Variants in PTK2 observed in about 807,000 individuals in gnomAD.
The protein encoded by PTK2 is protein tyrosine kinase 2, also known as focal adhesion kinase 1.
PTK2 carries 45 observed loss-of-function variants against 150.1 expected under a neutral mutation model. The observed-to-expected ratio is 0.30, with a 90% CI of 0.24 to 0.38. The LOEUF is 0.38. Ranked by LOEUF, PTK2 falls within the 10% of genes least tolerant of loss-of-function variation. The pLI, the probability that PTK2 is intolerant of heterozygous loss-of-function variation, is 1.00. For missense variants in PTK2, 919 were observed against 1,307.3 expected, an observed-to-expected ratio of 0.70 and a Z score of 4.58; for synonymous variants, 432 against 449.2, an observed-to-expected ratio of 0.96 and a Z score of 0.48.
At chr8:140,704,863 T>C (rs2100032779) in intron 24 of PTK2, among the ~76,000 whole-genome samples, 1 of 152,148 alleles carries the variant, frequency 6.6e-6, no homozygotes, top group Non-Finnish European at 1.5e-5. Context: ...AGTACTTTAT[T>C]TGTCTTCATA....
At chr8:141,001,421 C>G (rs776416183), upstream of PTK2, 2 of 149,930 alleles carry the variant, frequency 1.3e-5, no homozygotes, top group Non-Finnish European at 3.0e-5. Flanking sequence ...CGCCCCCGCG[C>G]ATGCCCAGCG....
rs1246263777 is a variant in PTK2 at position 140,726,595 on chromosome 8, G to T, written c.2030+8656C>A. ...CATAACAGGGCAGAAGACAGTAAAA[G>T]AACATCTTTAAGGTGCTGGGGAAAA... On this transcript the variant is annotated intron_variant, in intron 22 of 31. Coordinates refer to ENST00000522684, the Ensembl canonical transcript of PTK2. Among the ~76,000 whole-genome samples the T allele has an allele frequency of 5.9e-5, 9 of 151,832 alleles. No individual in the cohort carries two copies. In the East Asian group the frequency reaches 1.2e-3, roughly 20 times the overall value.
intron 10 of PTK2, among the ~76,000 whole-genome samples, chr8:140,813,955 G>A (rs1274485516): frequency 6.6e-6 from 1 of 151,970 alleles, no homozygotes; most frequent in East Asian, 1.9e-4. Flanking sequence ...AACACAACTA[G>A]AAATGAAAAG....
At chr8:140,703,274 G>T (rs1158910754) in intron 24 of PTK2, among the ~76,000 whole-genome samples, 3 of 151,494 alleles carry the variant, frequency 2.0e-5, no homozygotes, top group Non-Finnish European at 2.9e-5. Context: ...AAAAAAAAAA[G>T]AAAATAAAAA....
chr8:140,861,769 T>C (rs1298774856), intron 5 of PTK2, among the ~76,000 whole-genome samples: 1 of 152,188 alleles, frequency 6.6e-6, no homozygotes, highest in Non-Finnish European at 1.5e-5. Context: ...ACAGAGCTAT[T>C]ATATACAGAA....
intron 29 of PTK2, chr8:140,670,189 A>G (rs1589172189): frequency 6.4e-6 from 1 of 157,228 alleles, no homozygotes; most frequent in African/African-American, 2.4e-5. Flanking sequence ...CTTGAGATCC[A>G]CTTCATCATC....
chr8:140,902,859 C>G (rs895442372), intron 2 of PTK2, among the ~76,000 whole-genome samples: 8 of 146,122 alleles, frequency 5.5e-5, no homozygotes, highest in African/African-American at 1.8e-4. Context: ...AGCCCTTAGT[C>G]AGATAGACAG....
At position 140,697,846 on chromosome 8, in the gene PTK2, T is replaced by C. The variant is rs113425454; in HGVS notation, c.2499+3045A>G. Among the ~76,000 whole-genome samples the C allele has an allele frequency of 4.5e-3, 610 of 136,638 alleles. 7 individuals carry two copies. Among genetic ancestry groups the C allele is most frequent in the African/African-American group, 0.015 (567 of 37,402 alleles). 89.6% of individuals were successfully genotyped at this position (136,638 alleles called of 152,430 possible). A position where few individuals can be genotyped will look rare whatever the true frequency, so the allele number is the denominator to read the frequency against. On this transcript the variant is annotated intron_variant, in intron 26 of 31. Coordinates refer to ENST00000522684, the Ensembl canonical transcript of PTK2. Reference sequence around the variant, plus strand: ...GTACTTGATCCTCCTCCCTTTAGGGTTTACTGTTTTTTTTTTTTTTTTTTT... The same window carrying C: ...GTACTTGATCCTCCTCCCTTTAGGGCTTACTGTTTTTTTTTTTTTTTTTTT...
rs528445005 is a variant in PTK2 at position 140,924,745 on chromosome 8, T to C, written c.-33+916A>G. 4.6e-5 allele frequency among the ~76,000 whole-genome samples: 7 copies of C among 152,214 alleles called. No individual in the cohort carries two copies. The South Asian group carries it at 6.2e-4, about 14-fold the overall frequency. The stretch of plus-strand genomic sequence containing the variant: ...GAATATGAGAAGAGAAAAATGGACA[T>C]AAAGTCTAGGAAAATCATGTAAACT... On this transcript the variant is annotated intron_variant, in intron 2 of 31. Coordinates refer to ENST00000522684, the Ensembl canonical transcript of PTK2.
chr8:140,920,975 G>A (rs2100167171), intron 2 of PTK2: 1 of 1,361,574 alleles, frequency 7.3e-7, no homozygotes. Context: ...TCCTCGCTGT[G>A]ATAGTATTTG....
chr8:140,770,937 T>A (rs994633443), intron 14 of PTK2, 138 bp from the exon 15 acceptor site: 3 of 266,974 alleles, frequency 1.1e-5, no homozygotes, highest in African/African-American at 6.7e-5. Flanking sequence ...ACTATTGGCA[T>A]GCCTTATTTC....
At chr8:140,991,369 C>T (rs183563521) in intron 1 of PTK2, among the ~76,000 whole-genome samples, 258 of 152,266 alleles carry the variant, frequency 1.7e-3, no homozygotes, top group African/African-American at 5.8e-3. Flanking sequence ...TGCCAAAAGC[C>T]ACAAGTCCAG....
exon 32 of PTK2, chr8:140,658,331 C>T (rs2075208674): frequency 5.8e-6 from 1 of 173,080 alleles, no homozygotes; most frequent in African/African-American, 2.4e-5. Flanking sequence ...TGTATGTTAT[C>T]TTATCTGACA....
intron 2 of PTK2, among the ~76,000 whole-genome samples, chr8:140,896,583 A>G (rs2100156287): frequency 6.6e-6 from 1 of 152,256 alleles, no homozygotes; most frequent in Non-Finnish European, 1.5e-5. Flanking sequence ...TTCATGATAA[A>G]AACTCGCAGC....
intron 14 of PTK2, among the ~76,000 whole-genome samples, chr8:140,784,057 G>GGAGGCA (rs376966953): frequency 6.6e-6 from 1 of 152,102 alleles, no homozygotes; most frequent in South Asian, 2.1e-4. Context: ...CACCTACTCG[G>GGAGGCA]GAGGCAGAGG....
At chr8:140,919,480 T>C (rs2100166581) in intron 2 of PTK2, among the ~76,000 whole-genome samples, 2 of 152,182 alleles carry the variant, frequency 1.3e-5, no homozygotes, top group African/African-American at 4.8e-5. Context: ...TGGTACTGGA[T>C]GTGTAGATCT....
intron 4 of PTK2, among the ~76,000 whole-genome samples, chr8:140,872,351 A>T (rs1267788700): frequency 6.6e-6 from 1 of 152,158 alleles, no homozygotes; most frequent in Non-Finnish European, 1.5e-5. Context: ...GGCCCGCTGC[A>T]TGCTTTTAAA....
At chr8:140,972,905 T>C (rs184462352) in intron 1 of PTK2, among the ~76,000 whole-genome samples, 1 of 152,228 alleles carries the variant, frequency 6.6e-6, no homozygotes, top group African/African-American at 2.4e-5. Flanking sequence ...TCAAAATATT[T>C]TAAAAATCTA....
At position 140,897,550 on chromosome 8, in the gene PTK2, C is replaced by A. The variant is rs142071802; in HGVS notation, c.-32-6781G>T. On this transcript the variant is annotated intron_variant, in intron 2 of 31. Coordinates refer to ENST00000522684, the Ensembl canonical transcript of PTK2. ...TCCCAAGTACCCTGTTGGTGGCATT[C>A]ACGTGTCTTCATGTTTTTGTTGGTC... 6.9e-3 allele frequency among the ~76,000 whole-genome samples: 1,043 copies of A among 152,262 alleles called. 7 individuals carry two copies. Among genetic ancestry groups the A allele is most frequent in the Non-Finnish European group, 0.011 (781 of 68,020 alleles).
Sources: gnomAD v4.1 joint callset for allele counts (sites outside exome capture counted in the v4.1 genomes callset) on GRCh38, gnomAD v4.1.1 for gene constraint, MANE v1.5 for transcripts, NCBI Gene and HGNC (gene_info 2026-07-23, HGNC 2026-07-21) for gene names.